DNAH9: variants seen among roughly 807,000 people sequenced by gnomAD.
DNAH9 encodes dynein axonemal heavy chain 9.
Under a neutral mutation model 471.6 loss-of-function variants are expected in DNAH9, and 345 were observed. The ratio of observed to expected loss-of-function variants is 0.73; its 90% CI spans 0.67 to 0.80. The LOEUF is 0.80. Among genes scored for constraint, DNAH9 ranks in the 30% least tolerant of loss-of-function variants. DNAH9 has a pLI of 0.00. For synonymous variants in DNAH9, 2,093 were observed against 2,123.6 expected, an observed-to-expected ratio of 0.99 and a Z score of 0.40; for missense variants, 5,407 against 5,609.2, an observed-to-expected ratio of 0.96 and a Z score of 1.15.
At chr17:11,771,610 C>T (rs377294983) in intron 38 of DNAH9, among the ~76,000 whole-genome samples, 41 of 152,160 alleles carry the variant, frequency 2.7e-4, no homozygotes, top group African/African-American at 8.7e-4. Context: ...GGCCTTAAGC[C>T]GACTTCACCT....
chr17:11,823,604 A>G (rs1054711498), intron 48 of DNAH9, among the ~76,000 whole-genome samples: 12 of 152,196 alleles, frequency 7.9e-5, no homozygotes, highest in Admixed American at 7.9e-4. Context: ...CTAAGTAGTC[A>G]TCTATCTCTA....
rs562927098 is a variant in DNAH9, at chr17:11,623,067, G to A, written c.1350+3286G>A. Reference sequence around the variant, plus strand: ...CGGCTCACGACAACCTCTGCCTCCTGGGTTCAAGCGATTCTCCTGCCTCAG... The same window carrying A: ...CGGCTCACGACAACCTCTGCCTCCTAGGTTCAAGCGATTCTCCTGCCTCAG... On this transcript the variant is annotated intron_variant, in intron 6 of 68. Coordinates refer to ENST00000262442, the MANE Select transcript of DNAH9 (RefSeq NM_001372.4). The surrounding 1 kb of genome is among the most constrained non-coding windows in gnomAD (Gnocchi z 4.1). Among the ~76,000 whole-genome samples, 46 of 151,046 alleles carry A rather than the reference G, an allele frequency of 3.0e-4. No homozygotes were observed. Among genetic ancestry groups the A allele is most frequent in the African/African-American group, 1.1e-3 (44 of 41,134 alleles).
Position 11,807,370 on chromosome 17 carries a change from C to G in DNAH9, c.8421-362C>G, listed in dbSNP as rs564734240. Among the ~76,000 whole-genome samples the G allele has an allele frequency of 4.6e-5, 7 of 152,290 alleles. No homozygotes were observed. The East Asian group carries it at 1.4e-3, about 29-fold the overall frequency. ...TCGCTTTTTCCGTCCCCTCTTCTTG[C>G]CCAAAAGAATTGAAGTGGGAGGTGT... On this transcript the variant is annotated intron_variant, in intron 43 of 68. Transcript: ENST00000262442.
At chr17:11,785,249 C>A (rs547497525) in intron 41 of DNAH9, among the ~76,000 whole-genome samples, 31 of 152,048 alleles carry the variant, frequency 2.0e-4, no homozygotes, top group African/African-American at 6.8e-4. Context: ...CCATTCTGGA[C>A]AAGAATCTGC....
intron 35 of DNAH9, among the ~76,000 whole-genome samples, chr17:11,762,796 T>TC (rs1380048107): frequency 9.5e-4 from 137 of 144,602 alleles, no homozygotes; most frequent in Non-Finnish European, 1.7e-3. Flanking sequence ...TTTTTTTTTT[T>TC]TGAGATGGAG....
chr17:11,604,100 G>A (rs940043610), intron 1 of DNAH9, among the ~76,000 whole-genome samples: 4 of 151,178 alleles, frequency 2.6e-5, no homozygotes, highest in African/African-American at 9.7e-5. Flanking sequence ...TCCGCTTGCT[G>A]CAACCTCCGC....
chr17:11,945,784 C>T (rs759553595), intron 67 of DNAH9, among the ~76,000 whole-genome samples: 5 of 152,002 alleles, frequency 3.3e-5, no homozygotes, highest in East Asian at 1.9e-4. Context: ...TGTGGCCGGG[C>T]GCAGTGGCTC....
chr17:11,740,885 A>T (rs2075422583), intron 29 of DNAH9, among the ~76,000 whole-genome samples: 1 of 151,930 alleles, frequency 6.6e-6, no homozygotes, highest in South Asian at 2.1e-4. Context: ...ACCATTTGGC[A>T]TTTTTTTTCC....
At chr17:11,638,916 C>T (rs1232145314) in intron 9 of DNAH9, among the ~76,000 whole-genome samples, 1 of 152,164 alleles carries the variant, frequency 6.6e-6, no homozygotes, top group Non-Finnish European at 1.5e-5. Context: ...CCACTCTTTG[C>T]AACTAGAAGC....
At chr17:11,670,430 C>T (rs1048571133) in intron 17 of DNAH9, among the ~76,000 whole-genome samples, 1 of 152,112 alleles carries the variant, frequency 6.6e-6, no homozygotes, top group Non-Finnish European at 1.5e-5. Flanking sequence ...GAATCTCGAC[C>T]CCCTTCTCAG....
intron 44 of DNAH9, among the ~76,000 whole-genome samples, chr17:11,808,586 C>T (rs1433868879): frequency 6.6e-6 from 1 of 152,194 alleles, no homozygotes; most frequent in Non-Finnish European, 1.5e-5. Flanking sequence ...TGCTCTAAAA[C>T]CACAGCCCAG....
chr17:11,655,873 G>GATATAT (rs149224780), intron 14 of DNAH9, among the ~76,000 whole-genome samples: 3 of 147,918 alleles, frequency 2.0e-5, no homozygotes, highest in African/African-American at 7.5e-5. Context: ...GAAAGGGTGG[G>GATATAT]ATATATATAT....
In DNAH9 at chr17:11,933,942, T is replaced by G. The variant is rs778620533; in HGVS notation, c.12360T>G (p.Asp4120Glu). The change falls in exon 65 of 69, where the codon GAT becomes GAG. Residue 4120 changes from aspartate (D) to glutamate (E), a missense_variant. By Grantham distance (45) the Asp-to-Glu change is conservative. Around this residue, in one of 3 missense-constraint regions of DNAH9, gnomAD observed 4,636 missense variants for 4,900.3 expected, o/e 0.95. Coordinates refer to ENST00000262442, the MANE Select transcript of DNAH9 (RefSeq NM_001372.4). ...GEIMYGGHIT[D>E]DWDRRLCRTY... ...TCATGTATGGAGGCCATATCACAGA[T>G]GACTGGGACAGAAGACTCTGCAGAA... is the stretch of plus-strand genomic sequence containing the variant. 101 of 1,614,058 alleles carry G rather than the reference T, an allele frequency of 6.3e-5. No homozygotes were observed. In the East Asian group the frequency reaches 2.2e-3, roughly 35 times the overall value.
At chr17:11,717,700 T>C (rs1472608893) in intron 26 of DNAH9, among the ~76,000 whole-genome samples, 1 of 152,162 alleles carries the variant, frequency 6.6e-6, no homozygotes, top group Non-Finnish European at 1.5e-5. Context: ...TACAACTGGA[T>C]GATTTTTAGT....
At chr17:11,833,363 T>A (rs1311139052) in intron 48 of DNAH9, among the ~76,000 whole-genome samples, 1 of 152,180 alleles carries the variant, frequency 6.6e-6, no homozygotes, top group Non-Finnish European at 1.5e-5. Flanking sequence ...AAAGGCTATT[T>A]ATTCAGAGCT....
intron 14 of DNAH9, among the ~76,000 whole-genome samples, chr17:11,660,480 A>G (rs879341291): frequency 6.6e-6 from 1 of 151,690 alleles, no homozygotes; most frequent in Non-Finnish European, 1.5e-5. Context: ...GTGCCACCAT[A>G]CCCAGCTAAT....
chr17:11,716,934 T>G (rs898651308), intron 26 of DNAH9, among the ~76,000 whole-genome samples: 2 of 152,126 alleles, frequency 1.3e-5, no homozygotes, highest in African/African-American at 4.8e-5. Context: ...CTGGGAGAGA[T>G]AGCAGGCATG....
chr17:11,775,946 C>T (rs536397822), intron 38 of DNAH9, among the ~76,000 whole-genome samples: 44 of 152,274 alleles, frequency 2.9e-4, no homozygotes, highest in African/African-American at 8.7e-4. Context: ...TGCATTTCTC[C>T]TCTCTTTCAC....
At chr17:11,735,037 CT>C (rs2075323349) in intron 28 of DNAH9, among the ~76,000 whole-genome samples, 1 of 152,194 alleles carries the variant, frequency 6.6e-6, no homozygotes, top group African/African-American at 2.4e-5. Flanking sequence ...TTTGATTTAT[CT>C]TGGAGGTAGA....
Sources: gnomAD v4.1 joint callset for allele counts (sites outside exome capture counted in the v4.1 genomes callset) on GRCh38, gnomAD v4.1.1 for gene constraint, gnomAD v4.1.1 regional missense constraint, Gnocchi (gnomAD v3.1) non-coding constraint, MANE v1.5 for transcripts, NCBI Gene and HGNC (gene_info 2026-07-23, HGNC 2026-07-21) for gene names.